Variants in GON4L observed in about 807,000 individuals in gnomAD.
GON4L encodes GON-4-like protein.
In GON4L, 87 loss-of-function variants were observed where a neutral mutation model predicts 211.8. The ratio of observed to expected loss-of-function variants is 0.41; its 90% CI spans 0.35 to 0.49. The LOEUF (loss-of-function observed/expected upper bound fraction) is 0.49, where lower values mean the gene tolerates loss of function less well. GON4L is among the 20% of genes least tolerant of loss of function. The probability of loss-of-function intolerance (pLI) is 0.15; values close to 1 mark genes in which losing one functional copy is unlikely to be tolerated. For synonymous variants in GON4L, 875 were observed against 962.6 expected (o/e 0.91, Z 1.68); for missense variants, 2,155 against 2,659.5 (o/e 0.81, Z 4.17).
intron 2 of GON4L, chr1:155,831,684 C>T (rs1475466148): frequency 6.7e-6 from 1 of 149,636 alleles, no homozygotes; most frequent in Non-Finnish European, 1.5e-5. Flanking sequence ...GACCTTGTGT[C>T]TGCAAAAAGT....
Position 155,762,250 on chromosome 1 carries a change from G to T in GON4L, c.4851C>A (p.Leu1617=), listed in dbSNP as rs957318249. The stretch of plus-strand genomic sequence containing the variant: ...TCTGCTCCCTGAGTGGATCTCGCTC[G>T]AGAATGTCCTCATCATACAGCAACA... The part of the protein sequence containing the change: ...KLLLLYDEDI[L]ERDPLREQKD... Residue 1617 remains leucine, a synonymous_variant, in exon 23 of 32, where the codon CTC becomes CTA. Coordinates refer to ENST00000368331, the MANE Select transcript of GON4L (RefSeq NM_001282860.2). The T allele has an allele frequency of 1.2e-6, 2 of 1,612,438 alleles. No homozygotes were observed. The highest frequency in any genetic ancestry group is 8.5e-7 in the Non-Finnish European group (1 of 1,179,350).
At chr1:155,764,509 G>C in intron 21 of GON4L, 1 of 275,596 alleles carries the variant, frequency 3.6e-6, no homozygotes, top group Admixed American at 5.0e-5. Context: ...ACGTGATCTC[G>C]GCTCACTGCA....
intron 15 of GON4L, 135 bp downstream of exon 15, chr1:155,777,487 G>A (rs6697355): frequency 0.022 from 16,633 of 747,254 alleles, 287 homozygotes; most frequent in Admixed American, 0.048. Flanking sequence ...GCTGAGGCAG[G>A]AGAAATGCTT....
intron 6 of GON4L, among the ~76,000 whole-genome samples, chr1:155,817,116 A>G (rs550110342): frequency 1.3e-5 from 2 of 152,166 alleles, no homozygotes; most frequent in East Asian, 3.9e-4. Context: ...CAGCCTACTA[A>G]TTAGCTAGGA....
At chr1:155,759,987 TA>T (rs1198733856) in intron 24 of GON4L, among the ~76,000 whole-genome samples, 2 of 147,644 alleles carry the variant, frequency 1.4e-5, no homozygotes, top group Non-Finnish European at 3.0e-5. Context: ...ATATATGATA[TA>T]TATATATATA....
In GON4L at chr1:155,826,893, G is replaced by A; in HGVS notation, c.641C>T (p.Thr214Ile). ...CASPQEKPLR[T>I]LFHQPEEEIE... ...CTCTTCCTCAGGTTGGTGAAACAGA[G>A]TCCTGAGTGGCTTTTCTTGAGGAGA... The change falls in exon 3 of 32, where the codon ACT becomes ATT. Residue 214 changes from threonine to isoleucine, a missense_variant. Physicochemically the swap from Thr to Ile is moderately conservative, Grantham distance 89 (BLOSUM62 -1). Around this residue, in one of 6 missense-constraint regions of GON4L, gnomAD observed 313 missense variants for 293.2 expected, o/e 1.07. Transcript: ENST00000368331. 6.2e-7 allele frequency: 1 copy of A among 1,613,420 alleles called. No homozygotes were observed. The highest frequency in any genetic ancestry group is 8.5e-7 in the Non-Finnish European group (1 of 1,179,338).
chr1:155,838,745 G>A (rs986190718), intron 2 of GON4L, among the ~76,000 whole-genome samples: 18 of 150,354 alleles, frequency 1.2e-4, no homozygotes, highest in Admixed American at 1.1e-3. Flanking sequence ...ACTCCAACCT[G>A]GGTGACAGAG....
intron 14 of GON4L, among the ~76,000 whole-genome samples, chr1:155,778,774 C>T (rs1030889376): frequency 6.6e-6 from 1 of 152,138 alleles, no homozygotes; most frequent in African/African-American, 2.4e-5. Context: ...TCTCATTGTT[C>T]AGCTCCTACT....
At chr1:155,815,068 C>T (rs1218179845) in intron 8 of GON4L, among the ~76,000 whole-genome samples, 2 of 151,940 alleles carry the variant, frequency 1.3e-5, no homozygotes, top group Non-Finnish European at 2.9e-5. Context: ...GAGCCAACAT[C>T]GCACACTGCA....
chr1:155,827,697 C>CA (rs1425320992), intron 2 of GON4L, among the ~76,000 whole-genome samples: 11 of 51,896 alleles, frequency 2.1e-4, no homozygotes, highest in African/African-American at 3.8e-4. Flanking sequence ...CACACACACA[C>CA]ACAAAAAAAA....
chr1:155,763,936 G>A (rs1662118460), intron 21 of GON4L, among the ~76,000 whole-genome samples: 1 of 151,462 alleles, frequency 6.6e-6, no homozygotes, highest in Non-Finnish European at 1.5e-5. Flanking sequence ...CCGGGAGGTG[G>A]AGGTTGCAGT....
chr1:155,766,990 AAGCCGAGATCGCACCTT>A, intron 20 of GON4L: 1 of 551,022 alleles, frequency 1.8e-6, no homozygotes, highest in East Asian at 3.5e-5. Flanking sequence ...AGGTTGCGAG[AAGCCGAGATCGCACCTT>A]AGCCTGGGTG....
rs759916653 is a variant in GON4L at position 155,776,492 on chromosome 1, A to G, written c.2092-11T>C. 9 of 1,589,618 alleles carry G rather than the reference A, an allele frequency of 5.7e-6. No individual in the cohort carries two copies. In the African/African-American group the frequency reaches 9.4e-5, roughly 17 times the overall value. On this transcript the variant is annotated splice_polypyrimidine_tract_variant and intron_variant, in intron 15 of 31. Coordinates refer to ENST00000368331, the MANE Select transcript of GON4L (RefSeq NM_001282860.2). ...CAAGAGCTGAACGTGCTGGGGATGG[A>G]AAGAAAATGATGAAGTGACATGTTA...
intron 10 of GON4L, among the ~76,000 whole-genome samples, chr1:155,812,000 G>A (rs1041492491): frequency 2.7e-5 from 4 of 150,368 alleles, no homozygotes; most frequent in Non-Finnish European, 5.9e-5. Context: ...GCAGTGAGCT[G>A]AGGTCGCGCC....
At chr1:155,818,294 T>A (rs1318045692) in intron 6 of GON4L, among the ~76,000 whole-genome samples, 1 of 152,088 alleles carries the variant, frequency 6.6e-6, no homozygotes, top group Non-Finnish European at 1.5e-5. Context: ...GTATTTTTAG[T>A]AGAGACGGGG....
intron 28 of GON4L, 67 bp downstream of exon 28, chr1:155,754,308 C>A: frequency 1.1e-6 from 1 of 945,724 alleles, no homozygotes; most frequent in Admixed American, 1.7e-5. Context: ...CAGTAAGGTA[C>A]AATTCTTGGT....
chr1:155,830,993 T>C (rs996177639), intron 2 of GON4L, among the ~76,000 whole-genome samples: 2 of 152,174 alleles, frequency 1.3e-5, no homozygotes, highest in Admixed American at 6.6e-5. Context: ...AGTTCTGGTA[T>C]GCTTGTTTAA....
At chr1:155,832,640 AAAACAAAC>A (rs756416514) in intron 2 of GON4L, among the ~76,000 whole-genome samples, 1 of 152,196 alleles carries the variant, frequency 6.6e-6, no homozygotes, top group African/African-American at 2.4e-5. Flanking sequence ...CTCTGTCTCA[AAAACAAAC>A]AAACAAACAA....
intron 13 of GON4L, chr1:155,784,891 T>C (rs976026615): frequency 1.1e-5 from 3 of 279,872 alleles, no homozygotes; most frequent in East Asian, 8.6e-5. Flanking sequence ...GGCAGGAAAA[T>C]TGCTTGAGCC....
Sources: allele counts gnomAD v4.1 joint callset (sites outside exome capture counted in the v4.1 genomes callset), GRCh38; gene constraint gnomAD v4.1.1; regional missense constraint gnomAD v4.1.1; transcripts MANE v1.5; gene names NCBI Gene and HGNC (gene_info 2026-07-23, HGNC 2026-07-21).